The following DLGAP1 variants were observed in gnomAD, a reference collection of about 807,000 sequenced individuals.
DLGAP1 encodes the protein DLG associated protein 1, also known as disks large-associated protein 1.
A neutral mutation model predicts 90.8 loss-of-function variants in DLGAP1; 11 were observed. That is an observed-to-expected ratio of 0.12 (90% CI 0.08 to 0.20). The LOEUF (loss-of-function observed/expected upper bound fraction) is 0.20. Among genes scored for constraint, DLGAP1 ranks in the 10% least tolerant of loss-of-function variants. The pLI is 1.00. For synonymous variants in DLGAP1, 558 were observed against 540.7 expected, an observed-to-expected ratio of 1.03 and a Z score of -0.44; for missense variants, 1,050 against 1,333.8, an observed-to-expected ratio of 0.79 and a Z score of 3.31.
intron 3 of DLGAP1, among the ~76,000 whole-genome samples, chr18:3,935,792 G>C (rs1304003048): frequency 6.6e-6 from 1 of 152,192 alleles, no homozygotes; most frequent in Non-Finnish European, 1.5e-5. Flanking sequence ...CCGGCCTAGG[G>C]TAACAGAGCT....
intron 9 of DLGAP1, among the ~76,000 whole-genome samples, chr18:3,561,950 C>T (rs1016443593): frequency 4.6e-5 from 7 of 150,614 alleles, no homozygotes; most frequent in East Asian, 3.9e-4. Context: ...AGAGGGTAAC[C>T]GGGCACTGTG....
intron 7 of DLGAP1, among the ~76,000 whole-genome samples, chr18:3,672,714 G>C (rs1177651775): frequency 6.6e-6 from 1 of 150,568 alleles, no homozygotes; most frequent in Non-Finnish European, 1.5e-5. Flanking sequence ...AAGTTATCGT[G>C]TTCTCCCTAA....
chr18:4,092,170 G>T (rs2075781749), intron 2 of DLGAP1, among the ~76,000 whole-genome samples: 1 of 152,136 alleles, frequency 6.6e-6, no homozygotes, highest in Admixed American at 6.5e-5. Flanking sequence ...CAAAGGGCGT[G>T]TCTCAATGTC....
chr18:4,305,488 C>A (rs1473790854), intron 1 of DLGAP1, among the ~76,000 whole-genome samples: 1 of 87,140 alleles, frequency 1.1e-5, no homozygotes, highest in Non-Finnish European at 2.0e-5. Context: ...GAGCCGAGAT[C>A]GTGGCACTGC....
intron 7 of DLGAP1, among the ~76,000 whole-genome samples, chr18:3,611,773 CAAAA>C (rs146606086): frequency 6.6e-6 from 1 of 152,142 alleles, no homozygotes; most frequent in African/African-American, 2.4e-5. Flanking sequence ...AAAATCCAAA[CAAAA>C]AAGCTTACAA....
At chr18:3,803,079 G>A (rs963028245) in intron 5 of DLGAP1, among the ~76,000 whole-genome samples, 6 of 152,064 alleles carry the variant, frequency 3.9e-5, no homozygotes, top group East Asian at 1.9e-4. Flanking sequence ...AGAGCGTGTC[G>A]ATTTCCATGG....
At chr18:3,571,835 T>C (rs375182308) in intron 8 of DLGAP1, among the ~76,000 whole-genome samples, 1 of 152,080 alleles carries the variant, frequency 6.6e-6, no homozygotes, top group African/African-American at 2.4e-5. Flanking sequence ...CGCCTGGAGG[T>C]CTTATATTTT....
chr18:4,218,822 T>TAC (rs1185295308), intron 1 of DLGAP1, among the ~76,000 whole-genome samples: 15 of 70,026 alleles, frequency 2.1e-4, no homozygotes, highest in East Asian at 1.2e-3. Context: ...TGTGTATACA[T>TAC]ACATACACAC....
intron 7 of DLGAP1, chr18:3,594,409 C>G (rs1001493537): frequency 1.4e-5 from 2 of 145,562 alleles, no homozygotes; most frequent in Non-Finnish European, 3.0e-5. Context: ...GCGGGCAGTC[C>G]TACTCTCTAG....
At chr18:4,048,659 C>T (rs2075090259) in intron 2 of DLGAP1, among the ~76,000 whole-genome samples, 1 of 152,224 alleles carries the variant, frequency 6.6e-6, no homozygotes, top group Non-Finnish European at 1.5e-5. Context: ...CTAGATCAAT[C>T]TTTCACCATA....
intron 5 of DLGAP1, among the ~76,000 whole-genome samples, chr18:3,772,975 A>G (rs1322317321): frequency 6.6e-6 from 1 of 152,218 alleles, no homozygotes; most frequent in Non-Finnish European, 1.5e-5. Flanking sequence ...GTTCCTGTCC[A>G]TAATTAACTT....
intron 9 of DLGAP1, among the ~76,000 whole-genome samples, chr18:3,552,413 T>C (rs1377345983): frequency 6.6e-6 from 1 of 152,152 alleles, no homozygotes; most frequent in East Asian, 1.9e-4. Flanking sequence ...ATCCTCACTG[T>C]AGGGTGATCT....
At chr18:3,513,485 A>G (rs2050659556) in intron 10 of DLGAP1, among the ~76,000 whole-genome samples, 1 of 152,164 alleles carries the variant, frequency 6.6e-6, no homozygotes, top group East Asian at 1.9e-4. Context: ...GCCAGTGCCA[A>G]TGGATAGGGG....
intron 3 of DLGAP1, among the ~76,000 whole-genome samples, chr18:3,962,957 C>CA (rs2073234395): frequency 6.6e-6 from 1 of 152,032 alleles, no homozygotes. Context: ...GGTGTTCTTT[C>CA]AAAGTTTGGT....
At chr18:3,967,559 T>C (rs978890756) in intron 3 of DLGAP1, among the ~76,000 whole-genome samples, 3 of 152,114 alleles carry the variant, frequency 2.0e-5, no homozygotes, top group Non-Finnish European at 4.4e-5. Context: ...CGGCTGAAAT[T>C]TGAGAACCAC....
chr18:3,879,402 T>A lies in DLGAP1; in HGVS notation c.667A>T (p.Thr223Ser). Residue 223 changes from threonine to serine, a missense_variant, in exon 4 of 13, where the codon ACC becomes TCC. Thr to Ser is a moderately conservative substitution (Grantham distance 58, BLOSUM62 1). Around this residue, in one of 2 missense-constraint regions of DLGAP1, gnomAD observed 485 missense variants for 454.1 expected, o/e 1.07. Transcript: ENST00000315677. This position sits in a 1 kb window ranked among gnomAD's most constrained non-coding sequence, Gnocchi z 6.6. ...GAGCGGTCGGGGCACCTGCCCATGGTCATCACGCCCGAGGGGGCGTGGTAG... is the reference window on the plus strand; with the variant it reads ...GAGCGGTCGGGGCACCTGCCCATGGACATCACGCCCGAGGGGGCGTGGTAG... ...CIYHAPSGVM[T>S]MGRCPDRSAS... The A allele has an allele frequency of 5.6e-6, 9 of 1,612,666 alleles. No individual in the cohort carries two copies. The highest frequency in any genetic ancestry group is 7.6e-6 in the Non-Finnish European group (9 of 1,179,950).
intron 1 of DLGAP1, among the ~76,000 whole-genome samples, chr18:4,198,231 T>C (rs907962452): frequency 6.6e-6 from 1 of 151,806 alleles, no homozygotes; most frequent in Non-Finnish European, 1.5e-5. Flanking sequence ...AAAAAATAAA[T>C]AAATAAATAA....
intron 7 of DLGAP1, among the ~76,000 whole-genome samples, chr18:3,699,571 T>G (rs2061209887): frequency 6.6e-6 from 1 of 152,174 alleles, no homozygotes; most frequent in Non-Finnish European, 1.5e-5. Flanking sequence ...TGGTGTCTGT[T>G]GACTCCTGCT....
intron 1 of DLGAP1, among the ~76,000 whole-genome samples, chr18:4,314,888 G>A (rs990320281): frequency 6.6e-6 from 1 of 152,162 alleles, no homozygotes; most frequent in Non-Finnish European, 1.5e-5. Context: ...GAGAATATGT[G>A]CTGACTTCAA....
Sources: gnomAD v4.1 joint callset for allele counts (sites outside exome capture counted in the v4.1 genomes callset) on GRCh38, gnomAD v4.1.1 for gene constraint, gnomAD v4.1.1 regional missense constraint, Gnocchi (gnomAD v3.1) non-coding constraint, MANE v1.5 for transcripts, NCBI Gene and HGNC (gene_info 2026-07-23, HGNC 2026-07-21) for gene names.